The following CNTN4 variants were observed in gnomAD, a reference collection of about 807,000 sequenced individuals.
CNTN4 encodes the protein contactin-4.
A neutral mutation model predicts 122.5 loss-of-function variants in CNTN4; 77 were observed. That is an observed-to-expected ratio of 0.63 (90% CI 0.52 to 0.76). The LOEUF is 0.76. Ranked by LOEUF, CNTN4 falls within the 30% of genes least tolerant of loss-of-function variation. The pLI is 0.00. For missense variants in CNTN4, 1,256 were observed against 1,259.1 expected (o/e 1.00, Z 0.04); for synonymous variants, 512 against 447.0 (o/e 1.15, Z -1.83).
At chr3:2,388,778 G>C (rs1186114399) in intron 3 of CNTN4, among the ~76,000 whole-genome samples, 1 of 151,670 alleles carries the variant, frequency 6.6e-6, no homozygotes, top group Non-Finnish European at 1.5e-5. Context: ...CTGGGAGGTA[G>C]AGGTTGCAGT....
intron 7 of CNTN4, among the ~76,000 whole-genome samples, chr3:2,862,832 G>A (rs1027382398): frequency 2.0e-5 from 3 of 151,990 alleles, no homozygotes; most frequent in African/African-American, 7.3e-5. Context: ...TTAATGTTTT[G>A]CTCTGATAAA....
intron 3 of CNTN4, among the ~76,000 whole-genome samples, chr3:2,357,770 C>T (rs1316130559): frequency 6.6e-6 from 1 of 152,194 alleles, no homozygotes; most frequent in Admixed American, 6.5e-5. Context: ...TTATATGATC[C>T]TGCAACACGT....
chr3:2,600,756 G>T (rs1219533155), intron 4 of CNTN4, among the ~76,000 whole-genome samples: 1 of 152,180 alleles, frequency 6.6e-6, no homozygotes, highest in Admixed American at 6.5e-5. Context: ...TCTAGTTCTA[G>T]ATCCTTGAGG....
chr3:2,373,277 G>C (rs752716451), intron 3 of CNTN4, among the ~76,000 whole-genome samples: 1 of 152,140 alleles, frequency 6.6e-6, no homozygotes, highest in Non-Finnish European at 1.5e-5. Flanking sequence ...GCACTCCTTG[G>C]GCAGGAGGAG....
At position 2,727,065 on chromosome 3, in the gene CNTN4, G is replaced by T. The variant is rs528740000; in HGVS notation, c.56-9150G>T. Among the ~76,000 whole-genome samples, 6 of 152,216 alleles carry T rather than the reference G, an allele frequency of 3.9e-5. No homozygotes were observed. In the South Asian group the frequency reaches 1.2e-3, roughly 32 times the overall value. ...CTCTCTAGAGTAAACATTCCATGAG[G>T]GCAGGACAATGTCTGCTTTGCACAC... On this transcript the variant is annotated intron_variant, in intron 4 of 24. Transcript: ENST00000418658.
At chr3:2,389,261 CG>C (rs2046359512) in intron 3 of CNTN4, among the ~76,000 whole-genome samples, 7 of 115,396 alleles carry the variant, frequency 6.1e-5, no homozygotes, top group African/African-American at 1.6e-4. Flanking sequence ...TCTATCTTCA[CG>C]TGGCTGCAGC....
At chr3:2,696,502 GAC>G (rs2086042441) in intron 4 of CNTN4, among the ~76,000 whole-genome samples, 1 of 152,158 alleles carries the variant, frequency 6.6e-6, no homozygotes, top group African/African-American at 2.4e-5. Flanking sequence ...CCCTTCAGAC[GAC>G]ACAGCCTCAA....
intron 4 of CNTN4, among the ~76,000 whole-genome samples, chr3:2,575,809 C>CTTTTTTT (rs56303805): frequency 4.0e-5 from 4 of 101,250 alleles, no homozygotes; most frequent in African/African-American, 3.7e-5. Flanking sequence ...TCTTCTTCTT[C>CTTTTTTT]TTTTTTTTTT....
At position 2,857,479 on chromosome 3, in the gene CNTN4, G is replaced by A. The variant is rs144903722; in HGVS notation, c.455-9273G>A. 9.9e-5 allele frequency among the ~76,000 whole-genome samples: 15 copies of A among 152,258 alleles called. No individual in the cohort carries two copies. The East Asian group carries it at 2.9e-3, about 29-fold the overall frequency. ...ACATTCTTTATCCCCCATGAACAGTGTTTCCATCTGCCCATCATAGTCCAC... is the reference window on the plus strand; with the variant it reads ...ACATTCTTTATCCCCCATGAACAGTATTTCCATCTGCCCATCATAGTCCAC... On this transcript the variant is annotated intron_variant, in intron 7 of 24. Coordinates refer to ENST00000418658, the MANE Select transcript of CNTN4 (RefSeq NM_175607.3).
intron 3 of CNTN4, among the ~76,000 whole-genome samples, chr3:2,518,278 C>A (rs1270527602): frequency 6.6e-6 from 1 of 152,004 alleles, no homozygotes; most frequent in Non-Finnish European, 1.5e-5. Flanking sequence ...TCTTTGCAAA[C>A]CTTTAATGTT....
intron 3 of CNTN4, among the ~76,000 whole-genome samples, chr3:2,426,706 T>A (rs919250735): frequency 7.2e-5 from 11 of 152,166 alleles, no homozygotes; most frequent in African/African-American, 2.4e-4. Context: ...GTCCTGGACT[T>A]TTTTTGGTTG....
At chr3:2,353,930 A>C (rs889740954) in intron 3 of CNTN4, among the ~76,000 whole-genome samples, 10 of 152,060 alleles carry the variant, frequency 6.6e-5, no homozygotes, top group South Asian at 2.1e-4. Context: ...AACAAACAAA[A>C]AAAACATAAA....
rs1344676318 is a variant in CNTN4 at position 2,385,233 on chromosome 3, GTTT to G, written c.-89+46004_-89+46006del. ...TGTCTACTACTCAACTTTCTACTCA[GTTT>G]TTTATTTTTTATTTTTATTTCTACA... On this transcript the variant is annotated intron_variant, in intron 3 of 24. Transcript: ENST00000418658. This position sits in a 1 kb window ranked among gnomAD's most constrained non-coding sequence, Gnocchi z 4.0. Among the ~76,000 whole-genome samples the G allele has an allele frequency of 6.6e-6, 1 of 150,996 alleles. No individual in the cohort carries two copies. Among genetic ancestry groups the G allele is most frequent in the Non-Finnish European group, 1.5e-5 (1 of 67,902 alleles).
chr3:2,639,353 A>G (rs1488469291), intron 4 of CNTN4, among the ~76,000 whole-genome samples: 1 of 152,096 alleles, frequency 6.6e-6, no homozygotes, highest in Non-Finnish European at 1.5e-5. Flanking sequence ...CCATCAGGCT[A>G]TGGTCTACTA....
intron 4 of CNTN4, among the ~76,000 whole-genome samples, chr3:2,628,729 T>G (rs1258612600): frequency 1.3e-5 from 2 of 152,240 alleles, no homozygotes; most frequent in Non-Finnish European, 2.9e-5. Context: ...GTGTCTGATG[T>G]GTAGACAGTG....
intron 3 of CNTN4, among the ~76,000 whole-genome samples, chr3:2,341,193 T>G (rs2044197918): frequency 6.6e-6 from 1 of 152,204 alleles, no homozygotes; most frequent in South Asian, 2.1e-4. Flanking sequence ...TGAATACTGC[T>G]CTGGTTTCTT....
At chr3:2,627,139 G>T (rs1009769506) in intron 4 of CNTN4, among the ~76,000 whole-genome samples, 8 of 152,202 alleles carry the variant, frequency 5.3e-5, no homozygotes, top group Non-Finnish European at 8.8e-5. Context: ...GACTTTTAGT[G>T]CTGAAACCAA....
intron 2 of CNTN4, among the ~76,000 whole-genome samples, chr3:2,106,754 C>T (rs1023685455): frequency 2.0e-5 from 3 of 152,224 alleles, no homozygotes; most frequent in African/African-American, 7.2e-5. Context: ...CAAATTTCTG[C>T]AGCTGGCTTG....
At chr3:3,006,351 A>G (rs1438871859) in intron 14 of CNTN4, among the ~76,000 whole-genome samples, 1 of 152,138 alleles carries the variant, frequency 6.6e-6, no homozygotes, top group Admixed American at 6.5e-5. Context: ...AATTTATTGA[A>G]TGGATGGAAG....
Sources: allele counts gnomAD v4.1 joint callset (sites outside exome capture counted in the v4.1 genomes callset), GRCh38; gene constraint gnomAD v4.1.1; non-coding constraint Gnocchi (gnomAD v3.1); transcripts MANE v1.5; gene names NCBI Gene and HGNC (gene_info 2026-07-23, HGNC 2026-07-21).